NNT: variants seen among roughly 807,000 people sequenced by gnomAD.
NNT encodes nicotinamide nucleotide transhydrogenase, also known as NAD(P) transhydrogenase, mitochondrial.
In NNT, 50 loss-of-function variants were observed where a neutral mutation model predicts 104.8. The observed-to-expected ratio is 0.48, with a 90% CI of 0.38 to 0.60. NNT has a LOEUF of 0.60. Among genes scored for constraint, NNT ranks in the 20% least tolerant of loss-of-function variants. NNT has a pLI of 0.00. For missense variants in NNT, 1,131 were observed against 1,330.7 expected (o/e 0.85, Z 2.33); for synonymous variants, 461 against 490.4 (o/e 0.94, Z 0.79).
intron 14 of NNT, chr5:43,653,649 A>C (rs536321132): frequency 6.6e-6 from 1 of 150,972 alleles, no homozygotes; most frequent in East Asian, 1.9e-4. Context: ...TGTTTGCTGG[A>C]TTGTTAAATT....
intron 7 of NNT, among the ~76,000 whole-genome samples, chr5:43,636,877 T>A (rs1750956057): frequency 6.6e-6 from 1 of 152,186 alleles, no homozygotes; most frequent in South Asian, 2.1e-4. Context: ...TCTTTAATTA[T>A]GAGGTAAAAG....
rs757697012 is a variant in NNT at position 43,628,254 on chromosome 5, C to T, written c.831C>T (p.Asp277=). 8.7e-6 allele frequency: 14 copies of T among 1,613,762 alleles called. No homozygotes were observed. Among genetic ancestry groups the T allele is most frequent in the Non-Finnish European group, 1.2e-5 (14 of 1,179,898 alleles). ...KSLGAEPLEV[D]LKESGEGQGG... ...TTGGTGCTGAGCCCTTGGAGGTGGACTTGAAGGAATCTGGTGAGGGACAAG... is the reference window on the plus strand; with the variant it reads ...TTGGTGCTGAGCCCTTGGAGGTGGATTTGAAGGAATCTGGTGAGGGACAAG... The change falls in exon 7 of 22, where the codon GAC becomes GAT. Residue 277 remains aspartate (D), a synonymous_variant. Coordinates refer to ENST00000344920, the MANE Select transcript of NNT (RefSeq NM_182977.3).
At chr5:43,673,902 C>T (rs913380255) in intron 17 of NNT, among the ~76,000 whole-genome samples, 1 of 151,988 alleles carries the variant, frequency 6.6e-6, no homozygotes, top group African/African-American at 2.4e-5. Flanking sequence ...CACCTGTAAT[C>T]CCCACTACTC....
chr5:43,603,837 G>T (rs1749063223), intron 1 of NNT, among the ~76,000 whole-genome samples: 1 of 152,066 alleles, frequency 6.6e-6, no homozygotes, highest in Non-Finnish European at 1.5e-5. Flanking sequence ...CACAAATTGT[G>T]AGTGTGAGTT....
intron 17 of NNT, among the ~76,000 whole-genome samples, chr5:43,672,988 C>T (rs1053772206): frequency 3.9e-5 from 6 of 152,236 alleles, no homozygotes; most frequent in East Asian, 1.9e-4. Context: ...CAATGGTGGG[C>T]GTCCCTCCCC....
chr5:43,685,785 T>C lies in NNT; in HGVS notation c.2876+7979T>C, dbSNP rs531135543. Among the ~76,000 whole-genome samples the C allele has an allele frequency of 7.2e-5, 11 of 152,276 alleles. No homozygotes were observed. The East Asian group carries it at 2.1e-3, about 29-fold the overall frequency. ...AGCCTCACATGCCCAAGAAAACTGC[T>C]GCTGTGTACTCTGGTAGGACATATT... On this transcript the variant is annotated intron_variant, in intron 19 of 21. Coordinates refer to ENST00000344920, the MANE Select transcript of NNT (RefSeq NM_182977.3).
chr5:43,680,706 G>A (rs1283194425), intron 19 of NNT, among the ~76,000 whole-genome samples: 1 of 152,082 alleles, frequency 6.6e-6, no homozygotes, highest in Admixed American at 6.5e-5. Flanking sequence ...ATATAATGAA[G>A]CACATGACAT....
chr5:43,653,869 C>T (rs1029954733), intron 14 of NNT, among the ~76,000 whole-genome samples: 5 of 151,656 alleles, frequency 3.3e-5, no homozygotes, highest in African/African-American at 4.8e-5. Flanking sequence ...GCATGATAAT[C>T]GCTTGAACCT....
chr5:43,683,989 G>T (rs1232457792), intron 19 of NNT, among the ~76,000 whole-genome samples: 2 of 152,110 alleles, frequency 1.3e-5, no homozygotes, highest in South Asian at 2.1e-4. Context: ...TTGGGACATG[G>T]TTTTATAGAG....
chr5:43,685,912 G>A (rs1440038709), intron 19 of NNT, among the ~76,000 whole-genome samples: 1 of 152,130 alleles, frequency 6.6e-6, no homozygotes, highest in Non-Finnish European at 1.5e-5. Context: ...TCTAAAGAAT[G>A]AGGTTCATGT....
chr5:43,612,271 T>G (rs1455125866), intron 2 of NNT, among the ~76,000 whole-genome samples: 1 of 152,220 alleles, frequency 6.6e-6, no homozygotes, highest in East Asian at 1.9e-4. Context: ...AGAGCGTCCT[T>G]GGACAGAGTT....
At position 43,606,942 on chromosome 5, in the gene NNT, G is replaced by T. The variant is rs1442524803; in HGVS notation, c.-53-2201G>T. Among the ~76,000 whole-genome samples the T allele has an allele frequency of 2.1e-4, 32 of 152,056 alleles. 1 individual carries two copies. The highest frequency in any genetic ancestry group is 2.1e-3 in the Admixed American group (32 of 15,252). ...CAATGCTGCTTTCTGGTATTTTAAA[G>T]ATGTTTCTTCAAGGAGTTGTGGCAG... On this transcript the variant is annotated intron_variant, in intron 1 of 21. Coordinates refer to ENST00000344920, the MANE Select transcript of NNT (RefSeq NM_182977.3).
intron 3 of NNT, chr5:43,613,457 C>T (rs1234533517): frequency 1.0e-5 from 2 of 199,816 alleles, no homozygotes; most frequent in Admixed American, 5.6e-5. Context: ...CACACGTGAA[C>T]ATTTACTGCT....
intron 6 of NNT, among the ~76,000 whole-genome samples, chr5:43,627,286 T>G (rs1012755381): frequency 2.0e-5 from 3 of 152,206 alleles, no homozygotes; most frequent in Non-Finnish European, 2.9e-5. Context: ...TTATGCATAC[T>G]CTTGAACATG....
chr5:43,648,677 T>C (rs983656118), intron 10 of NNT, among the ~76,000 whole-genome samples: 1 of 152,174 alleles, frequency 6.6e-6, no homozygotes, highest in South Asian at 2.1e-4. Context: ...TTAAAACCCC[T>C]ATTCCTCAGC....
chr5:43,651,476 G>T (rs1291382987), intron 12 of NNT, among the ~76,000 whole-genome samples: 1 of 152,100 alleles, frequency 6.6e-6, no homozygotes, highest in East Asian at 1.9e-4. Flanking sequence ...CACTCGGGGG[G>T]CTGAGGCAGG....
chr5:43,607,437 TA>T (rs1351813009), intron 1 of NNT, among the ~76,000 whole-genome samples: 1 of 152,058 alleles, frequency 6.6e-6, no homozygotes, highest in Admixed American at 6.5e-5. Flanking sequence ...AAACCTCCCT[TA>T]ACTGTAATTT....
intron 19 of NNT, among the ~76,000 whole-genome samples, chr5:43,686,190 G>A (rs1275882652): frequency 6.6e-6 from 1 of 150,886 alleles, no homozygotes; most frequent in Admixed American, 6.6e-5. Flanking sequence ...TCCATGAAAG[G>A]CTCTATTGTT....
chr5:43,703,379 G>A lies in NNT; in HGVS notation c.3111+643G>A, dbSNP rs145175816. On this transcript the variant is annotated intron_variant, in intron 21 of 21. Transcript: ENST00000344920. The stretch of plus-strand genomic sequence containing the variant: ...ATAATGTACATTTCCATTTAATTTC[G>A]TTTCTTTTTATTGTAAATATTGGAG... Among the ~76,000 whole-genome samples the A allele has an allele frequency of 6.9e-3, 1,053 of 152,072 alleles. 44 individuals carry two copies. The highest frequency in any genetic ancestry group is 0.062 in the Admixed American group (952 of 15,290).
Sources: gnomAD v4.1 joint callset for allele counts (sites outside exome capture counted in the v4.1 genomes callset) on GRCh38, gnomAD v4.1.1 for gene constraint, MANE v1.5 for transcripts, NCBI Gene and HGNC (gene_info 2026-07-23, HGNC 2026-07-21) for gene names.